The following STK32B variants were observed in gnomAD, a reference collection of about 807,000 sequenced individuals.
STK32B encodes the protein serine/threonine-protein kinase 32B.
A neutral mutation model predicts 52.6 loss-of-function variants in STK32B; 43 were observed. The ratio of observed to expected loss-of-function variants is 0.82; its 90% CI spans 0.64 to 1.05. The LOEUF (loss-of-function observed/expected upper bound fraction) is 1.05, where lower values mean the gene tolerates loss of function less well. Among genes scored for constraint, STK32B ranks in the 50% least tolerant of loss-of-function variants. STK32B has a pLI of 0.00. For missense variants in STK32B, 621 were observed against 534.6 expected (o/e 1.16, Z -1.59); for synonymous variants, 238 against 204.3 (o/e 1.17, Z -1.41).
the STK32B span, among the ~76,000 whole-genome samples, chr4:5,040,754 C>T: frequency 6.6e-6 from 1 of 152,142 alleles, no homozygotes; most frequent in Non-Finnish European, 1.5e-5. Flanking sequence ...TCAATATAGT[C>T]AGATGTTGCT....
chr4:5,179,734 A>T (rs1402098976), intron 3 of STK32B, among the ~76,000 whole-genome samples: 1 of 152,244 alleles, frequency 6.6e-6, no homozygotes, highest in Non-Finnish European at 1.5e-5. Context: ...GTTATGAAGG[A>T]GAAAAACCTA....
intron 4 of STK32B, among the ~76,000 whole-genome samples, chr4:5,392,666 C>T (rs1369605029): frequency 2.0e-5 from 3 of 152,130 alleles, no homozygotes; most frequent in Admixed American, 6.6e-5. Flanking sequence ...ATACCACTGA[C>T]CCTCTGTAAA....
intron 3 of STK32B, among the ~76,000 whole-genome samples, chr4:5,218,850 C>T (rs1165394545): frequency 8.5e-5 from 13 of 152,190 alleles, no homozygotes; most frequent in African/African-American, 2.2e-4. Context: ...CTGGCTCTCC[C>T]GGCCGGCCTG....
Position 5,362,474 on chromosome 4 carries a change from C to A in STK32B, c.434+31081C>A, listed in dbSNP as rs116382102. Among the ~76,000 whole-genome samples the A allele has an allele frequency of 6.0e-3, 909 of 152,242 alleles. 9 individuals are homozygous for A. Among genetic ancestry groups the A allele is most frequent in the African/African-American group, 0.02 (821 of 41,546 alleles). On this transcript the variant is annotated intron_variant, in intron 4 of 11. Coordinates refer to ENST00000282908, the MANE Select transcript of STK32B (RefSeq NM_018401.3). ...AAGGGTACAGGTAGAAGACAGAAAC[C>A]ACCATGAGTCTTTGAAACAGAGGGC...
chr4:5,366,379 G>T (rs1000927861), intron 4 of STK32B, among the ~76,000 whole-genome samples: 3 of 152,194 alleles, frequency 2.0e-5, no homozygotes, highest in Admixed American at 6.5e-5. Flanking sequence ...AAACAGAGTG[G>T]AATATTTATG....
intron 3 of STK32B, among the ~76,000 whole-genome samples, chr4:5,188,987 G>A (rs559883397): frequency 9.3e-5 from 14 of 151,148 alleles, no homozygotes; most frequent in South Asian, 2.1e-4. Flanking sequence ...CGTTGTGCAC[G>A]TGTACCCTAG....
At chr4:5,244,748 A>G (rs980637859) in intron 3 of STK32B, among the ~76,000 whole-genome samples, 2 of 152,114 alleles carry the variant, frequency 1.3e-5, no homozygotes, top group Non-Finnish European at 2.9e-5. Context: ...ACTGCTTTGA[A>G]TGTGTCCCAG....
At chr4:5,141,753 G>A (rs1254516351) in intron 2 of STK32B, among the ~76,000 whole-genome samples, 1 of 152,082 alleles carries the variant, frequency 6.6e-6, no homozygotes, top group Non-Finnish European at 1.5e-5. Flanking sequence ...TAGGTATAGG[G>A]GGTCTCTGCA....
intron 6 of STK32B, among the ~76,000 whole-genome samples, chr4:5,422,121 C>T (rs1712696317): frequency 2.0e-5 from 3 of 152,136 alleles, no homozygotes. Context: ...GACTTAATGG[C>T]CAAATGTACA....
chr4:5,271,812 A>T (rs553430829), intron 3 of STK32B, among the ~76,000 whole-genome samples: 2,264 of 120,014 alleles, frequency 0.019, 82 homozygotes, highest in African/African-American at 0.059. Context: ...GTTTGTCTGT[A>T]GTTGGTGTAT....
At chr4:5,389,323 C>T (rs775010540) in intron 4 of STK32B, among the ~76,000 whole-genome samples, 1 of 152,164 alleles carries the variant, frequency 6.6e-6, no homozygotes, top group Non-Finnish European at 1.5e-5. Context: ...TACAAAATAC[C>T]ACAGGCTGGG....
intron 3 of STK32B, among the ~76,000 whole-genome samples, chr4:5,211,958 G>A (rs768049235): frequency 3.9e-5 from 6 of 152,102 alleles, no homozygotes; most frequent in Non-Finnish European, 7.3e-5. Flanking sequence ...TCATGACAAC[G>A]TTGAGAGTTA....
chr4:5,282,041 A>G (rs1207018804), intron 3 of STK32B, among the ~76,000 whole-genome samples: 1 of 152,078 alleles, frequency 6.6e-6, no homozygotes, highest in Non-Finnish European at 1.5e-5. Context: ...ATATGTATAC[A>G]ATATGGAATA....
chr4:5,057,679 A>T (rs1011725978), intron 1 of STK32B, among the ~76,000 whole-genome samples: 1 of 152,144 alleles, frequency 6.6e-6, no homozygotes, highest in Non-Finnish European at 1.5e-5. Flanking sequence ...GAGATAAAGG[A>T]TCAGTATTTT....
At chr4:5,417,843 C>T (rs917484907) in intron 6 of STK32B, among the ~76,000 whole-genome samples, 2 of 152,216 alleles carry the variant, frequency 1.3e-5, no homozygotes, top group Non-Finnish European at 2.9e-5. Context: ...TTTGGCTGGG[C>T]TCACTCATGA....
chr4:5,445,129 G>A (rs1269287136), intron 6 of STK32B, among the ~76,000 whole-genome samples: 4 of 152,154 alleles, frequency 2.6e-5, no homozygotes, highest in African/African-American at 7.2e-5. Context: ...ACATGTCCCC[G>A]GAGGCTGTTG....
chr4:5,207,763 T>C lies in STK32B; in HGVS notation c.260+39313T>C, dbSNP rs144166526. Reference sequence around the variant, plus strand: ...AGCTGAAAAGAAGAAGGGTCCCTCATTGGCAAAGAGGACTGTGATCACTTT... The same window carrying C: ...AGCTGAAAAGAAGAAGGGTCCCTCACTGGCAAAGAGGACTGTGATCACTTT... On this transcript the variant is annotated intron_variant, in intron 3 of 11. Coordinates refer to ENST00000282908, the MANE Select transcript of STK32B (RefSeq NM_018401.3). Among the ~76,000 whole-genome samples, 1,029 of 151,932 alleles carry C rather than the reference T, an allele frequency of 6.8e-3. 9 individuals are homozygous for C. The highest frequency in any genetic ancestry group is 0.01 in the Non-Finnish European group (691 of 67,962).
chr4:5,456,893 G>T lies in STK32B; in HGVS notation c.753G>T (p.Trp251Cys). The T allele has an allele frequency of 6.3e-7, 1 of 1,585,824 alleles. No homozygotes were observed. The highest frequency in any genetic ancestry group is 8.6e-7 in the Non-Finnish European group (1 of 1,164,654). ...AGCGTGTCCACTACTCCTCCACGTG[G>T]TGCAAGGGGATGGTGGCCCTGCTGA... ...KVERVHYSST[W>C]CKGMVALLRK... is the part of the protein sequence containing the mutation. Residue 251 changes from tryptophan to cysteine, a missense_variant, in exon 8 of 12, where the codon TGG (tryptophan) becomes TGT (cysteine). Transcript: ENST00000282908.
At chr4:5,025,418 T>C in the STK32B span, among the ~76,000 whole-genome samples, 1 of 152,162 alleles carries the variant, frequency 6.6e-6, no homozygotes, top group Non-Finnish European at 1.5e-5. Flanking sequence ...TTAACTCTCA[T>C]TTTTGGCTCT....
Sources: gnomAD v4.1 joint callset for allele counts (sites outside exome capture counted in the v4.1 genomes callset) on GRCh38, gnomAD v4.1.1 for gene constraint, MANE v1.5 for transcripts, NCBI Gene and HGNC (gene_info 2026-07-23, HGNC 2026-07-21) for gene names.